LAMA4: variants seen among roughly 807,000 people sequenced by gnomAD.
The protein encoded by LAMA4 is laminin subunit alpha 4, also known as laminin subunit alpha-4.
A neutral mutation model predicts 207.1 loss-of-function variants in LAMA4; 127 were observed. The observed-to-expected ratio is 0.61, with a 90% CI of 0.53 to 0.71. LAMA4 has a LOEUF of 0.71. LAMA4 is among the 30% of genes least tolerant of loss of function. The pLI is 0.00. For missense variants in LAMA4, 2,093 were observed against 2,246.5 expected (o/e 0.93, Z 1.38); for synonymous variants, 761 against 816.0 (o/e 0.93, Z 1.15).
intron 30 of LAMA4, among the ~76,000 whole-genome samples, chr6:112,129,331 C>G (rs1358186695): frequency 6.6e-6 from 1 of 152,106 alleles, no homozygotes; most frequent in Non-Finnish European, 1.5e-5. Context: ...CCTCAACACA[C>G]TCTGGATGAT....
intron 16 of LAMA4, among the ~76,000 whole-genome samples, chr6:112,154,273 C>T (rs1347223506): frequency 6.7e-6 from 1 of 148,166 alleles, no homozygotes; most frequent in South Asian, 2.1e-4. Flanking sequence ...TCAGCAGATG[C>T]AAACACTGGC....
chr6:112,163,356 G>GA (rs1445148371), intron 13 of LAMA4, among the ~76,000 whole-genome samples: 2 of 149,912 alleles, frequency 1.3e-5, no homozygotes, highest in Non-Finnish European at 2.9e-5. Flanking sequence ...ACAAAACCCA[G>GA]AAAAAAATAA....
chr6:112,161,739 G>C (rs1384407836), intron 13 of LAMA4, among the ~76,000 whole-genome samples: 1 of 152,108 alleles, frequency 6.6e-6, no homozygotes, highest in African/African-American at 2.4e-5. Flanking sequence ...TGGGGTAAGG[G>C]GTTCATTTGG....
At chr6:112,253,772 A>G (rs113810262) in intron 2 of LAMA4, 184 bp downstream of exon 2, 1 of 1,614,024 alleles carries the variant, frequency 6.2e-7, no homozygotes, top group Non-Finnish European at 8.5e-7. Context: ...TTCAACTCTC[A>G]ACATCCAAAT....
At chr6:112,229,838 G>A (rs190032068) in intron 2 of LAMA4, among the ~76,000 whole-genome samples, 1 of 152,274 alleles carries the variant, frequency 6.6e-6, no homozygotes, top group Admixed American at 6.5e-5. Context: ...TATTTTCAGA[G>A]AATCAAAATA....
In LAMA4 at chr6:112,192,535, G is replaced by T. The variant is rs111484066; in HGVS notation, c.504-685C>A. On this transcript the variant is annotated intron_variant, in intron 5 of 38. Transcript: ENST00000230538. Reference sequence around the variant, plus strand: ...GATCAATGGAGTTGGAGCCCAGACTGCCATTCTTCTGGATGTTTTAGATAT... The same window carrying T: ...GATCAATGGAGTTGGAGCCCAGACTTCCATTCTTCTGGATGTTTTAGATAT... Among the ~76,000 whole-genome samples the T allele has an allele frequency of 3.8e-3, 572 of 152,312 alleles. 9 individuals are homozygous for T. The highest frequency in any genetic ancestry group is 0.013 in the African/African-American group (529 of 41,576).
chr6:112,227,354 C>G (rs1785280758), intron 2 of LAMA4, among the ~76,000 whole-genome samples: 1 of 152,040 alleles, frequency 6.6e-6, no homozygotes, highest in South Asian at 2.1e-4. Flanking sequence ...CAGGGGTGAA[C>G]CACCGTGCCC....
chr6:112,148,746 A>C (rs1780188226), intron 17 of LAMA4, among the ~76,000 whole-genome samples: 2 of 152,140 alleles, frequency 1.3e-5, no homozygotes, highest in South Asian at 4.1e-4. Flanking sequence ...AAAGAGTTTT[A>C]GTAGTGAATT....
chr6:112,163,717 G>T (rs1473554557), intron 13 of LAMA4, among the ~76,000 whole-genome samples: 1 of 152,192 alleles, frequency 6.6e-6, no homozygotes, highest in Non-Finnish European at 1.5e-5. Flanking sequence ...GAGCAGAATG[G>T]TAGGGCAGAA....
At chr6:112,171,628 T>C (rs1323929203) in intron 12 of LAMA4, 2 of 152,926 alleles carry the variant, frequency 1.3e-5, no homozygotes, top group Non-Finnish European at 2.9e-5. Flanking sequence ...CTTAAAACAG[T>C]ATTTTGTGTT....
intron 29 of LAMA4, chr6:112,130,258 C>T (rs1296230297): frequency 3.6e-5 from 20 of 557,838 alleles, no homozygotes; most frequent in Admixed American, 2.1e-4. Flanking sequence ...AATTTAAACC[C>T]GTAAGGCAAG....
chr6:112,224,089 T>G (rs1482364683), intron 2 of LAMA4, among the ~76,000 whole-genome samples: 1 of 152,188 alleles, frequency 6.6e-6, no homozygotes, highest in Admixed American at 6.5e-5. Context: ...GGCCCCATCA[T>G]CTGGCCTTCC....
chr6:112,143,292 T>C, intron 19 of LAMA4, among the ~76,000 whole-genome samples: 1 of 150,646 alleles, frequency 6.6e-6, no homozygotes, highest in South Asian at 2.1e-4. Context: ...TACTTTTTTT[T>C]TTTTTTTTTT....
At position 112,227,041 on chromosome 6, in the gene LAMA4, TTTTATTTATTTA is replaced by T. The variant is rs10610325; in HGVS notation, c.196-10584_196-10573del. Among the ~76,000 whole-genome samples the T allele has an allele frequency of 2.1e-3, 292 of 141,708 alleles. 1 individual carries two copies. The highest frequency in any genetic ancestry group is 0.011 in the South Asian group (45 of 4,274). The allele number at this position is 141,708 out of a possible 152,430, so 93.0% of individuals were successfully genotyped here. A position where few individuals can be genotyped will look rare whatever the true frequency, so the allele number is the denominator to read the frequency against. ...AGAAAGAGTCTCAGGGCTTCGACTATTTTATTTATTTATTTATTTATTTATTTATTTATTTAT... is the reference window on the plus strand; with the variant it reads ...AGAAAGAGTCTCAGGGCTTCGACTATTTTATTTATTTATTTATTTATTTAT... On this transcript the variant is annotated intron_variant, in intron 2 of 38. Transcript: ENST00000230538.
intron 2 of LAMA4, among the ~76,000 whole-genome samples, chr6:112,248,391 C>T (rs1562110372): frequency 6.7e-6 from 1 of 150,182 alleles, no homozygotes; most frequent in Non-Finnish European, 1.5e-5. Context: ...CCCAGCTACT[C>T]GGGAGGCTGA....
At chr6:112,191,122 T>C (rs568738224) in intron 6 of LAMA4, among the ~76,000 whole-genome samples, 2 of 151,750 alleles carry the variant, frequency 1.3e-5, no homozygotes, top group Non-Finnish European at 2.9e-5. Flanking sequence ...GGTGGGACTA[T>C]AGGCACCCAC....
In LAMA4 at chr6:112,133,471, G is replaced by A. The variant is rs181787647; in HGVS notation, c.3574C>T (p.Leu1192Phe). 3.2e-5 allele frequency: 51 copies of A among 1,613,604 alleles called. No individual in the cohort carries two copies. The highest frequency in any genetic ancestry group is 4.2e-5 in the Non-Finnish European group (49 of 1,179,660). Residue 1192 changes from leucine to phenylalanine, a missense_variant, in exon 27 of 39, where the codon CTT becomes TTT. Physicochemically the swap from Leu to Phe is conservative, Grantham distance 22 (BLOSUM62 0). Around this residue, in one of 3 missense-constraint regions of LAMA4, gnomAD observed 1,704 missense variants for 1,788.4 expected, o/e 0.95. Coordinates refer to ENST00000230538, the MANE Select transcript of LAMA4 (RefSeq NM_001105206.3). The part of the protein sequence containing the change: ...ILQSRALRAH[L>F]PLDINFRGCM... ...CCTCTGAAGTTGATATCTAGGGGAA[G>A]GTGTGCTCTGAGGGCCCTGGAAAAG...
At chr6:112,241,192 A>AATATATATGAATATATATGG (rs1786474363) in intron 2 of LAMA4, among the ~76,000 whole-genome samples, 1 of 124,892 alleles carries the variant, frequency 8.0e-6, no homozygotes, top group South Asian at 2.5e-4. Context: ...AATATATATG[A>AATATATATGAATATATATGG]ATATATATGA....
In LAMA4 at chr6:112,141,497, T is replaced by C. The variant is rs1025644254; in HGVS notation, c.2674A>G (p.Lys892Glu). ...ILYLGSKNAK[K>E]EYMGLAIKND... The stretch of plus-strand genomic sequence containing the variant: ...TTGATTGCAAGACCCATATACTCTT[T>C]TTTGGCCTGAAATATCAAGAAGTAA... The change falls in exon 21 of 39, where the codon AAA becomes GAA. Residue 892 changes from lysine to glutamate, a missense_variant. This residue lies in a region of LAMA4 where 1,704 missense variants were observed against 1,788.4 expected (regional missense o/e 0.95). Coordinates refer to ENST00000230538, the MANE Select transcript of LAMA4 (RefSeq NM_001105206.3). 2 of 1,602,186 alleles carry C rather than the reference T, an allele frequency of 1.2e-6. No individual in the cohort carries two copies. The highest frequency in any genetic ancestry group is 4.5e-5 in the East Asian group (2 of 44,838).
Sources: allele counts gnomAD v4.1 joint callset (sites outside exome capture counted in the v4.1 genomes callset), GRCh38; gene constraint gnomAD v4.1.1; regional missense constraint gnomAD v4.1.1; transcripts MANE v1.5; gene names NCBI Gene and HGNC (gene_info 2026-07-23, HGNC 2026-07-21).